The following NCBP3 variants were observed in gnomAD, a reference collection of about 807,000 sequenced individuals.
NCBP3 encodes nuclear cap binding subunit 3.
A neutral mutation model predicts 75.7 loss-of-function variants in NCBP3; 20 were observed. The observed-to-expected ratio is 0.26, with a 90% CI of 0.19 to 0.38. NCBP3 has a LOEUF of 0.38. NCBP3 is among the 10% of genes least tolerant of loss of function. The pLI, the probability that NCBP3 is intolerant of heterozygous loss-of-function variation, is 1.00. For synonymous variants in NCBP3, 293 were observed against 290.5 expected (o/e 1.01, Z -0.09); for missense variants, 678 against 796.9 (o/e 0.85, Z 1.80).
At chr17:3,820,165 G>T (rs2053635538) in intron 9 of NCBP3, among the ~76,000 whole-genome samples, 1 of 152,124 alleles carries the variant, frequency 6.6e-6, no homozygotes, top group African/African-American at 2.4e-5. Context: ...GCCCAGGCTG[G>T]TCTCAAACTC....
Position 3,833,341 on chromosome 17 carries a change from T to C in NCBP3, c.356-3973A>G, listed in dbSNP as rs377208961. 3.9e-5 allele frequency among the ~76,000 whole-genome samples: 6 copies of C among 152,342 alleles called. No individual in the cohort carries two copies. In the South Asian group the frequency reaches 6.2e-4, roughly 16 times the overall value. ...GTTGCCCAGGCTGGTCTTGAATTCCTGACCTCAAGTGATCTGTCTTGGTCT... is the reference window on the plus strand; with the variant it reads ...GTTGCCCAGGCTGGTCTTGAATTCCCGACCTCAAGTGATCTGTCTTGGTCT... On this transcript the variant is annotated intron_variant, in intron 3 of 12. Coordinates refer to ENST00000389005, the MANE Select transcript of NCBP3 (RefSeq NM_001114118.3).
At chr17:3,826,317 C>T in intron 4 of NCBP3, 102 bp from the exon 5 acceptor site, 2 of 1,117,860 alleles carry the variant, frequency 1.8e-6, no homozygotes, top group East Asian at 2.6e-5. Flanking sequence ...CATCTAGCAA[C>T]AGATTATCAT....
At position 3,811,433 on chromosome 17, in the gene NCBP3, A is replaced by C. The variant is rs2053411786; in HGVS notation, c.*1611T>G. On this transcript the variant is annotated 3_prime_UTR_variant, in exon 13 of 13. Transcript: ENST00000389005. ...ATCTCTTTCCTAGAATCCTAATAAG[A>C]AGCTGAAATATATCATGGTTATATC... is the stretch of plus-strand genomic sequence containing the variant. 6.6e-6 allele frequency: 1 copy of C among 152,208 alleles called. No homozygotes were observed. Among genetic ancestry groups the C allele is most frequent in the African/African-American group, 2.4e-5 (1 of 41,454 alleles). 9.4% of individuals were successfully genotyped at this position (152,208 alleles called of 1,614,324 possible).
chr17:3,824,415 C>CACAT (rs147371355), intron 7 of NCBP3: 11,388 of 141,174 alleles, frequency 0.081, 1,031 homozygotes, highest in African/African-American at 0.25. Context: ...TATACACATA[C>CACAT]ACATACATAC....
rs2053411529 is a variant in NCBP3 at position 3,811,425 on chromosome 17, C to A, written c.*1619G>T. On this transcript the variant is annotated 3_prime_UTR_variant, in exon 13 of 13. Transcript: ENST00000389005. Reference sequence around the variant, plus strand: ...CCAGAACCATCTCTTTCCTAGAATCCTAATAAGAAGCTGAAATATATCATG... The same window carrying A: ...CCAGAACCATCTCTTTCCTAGAATCATAATAAGAAGCTGAAATATATCATG... 1 of 152,168 alleles carries A rather than the reference C, an allele frequency of 6.6e-6. No individual in the cohort carries two copies. The highest frequency in any genetic ancestry group is 6.5e-5 in the Admixed American group (1 of 15,288). The allele number at this position is 152,168 out of a possible 1,614,324, so 9.4% of individuals were successfully genotyped here.
intron 7 of NCBP3, among the ~76,000 whole-genome samples, chr17:3,823,245 A>G (rs536077007): frequency 1.3e-5 from 2 of 151,788 alleles, no homozygotes; most frequent in South Asian, 4.2e-4. Context: ...CAGGAGGCAG[A>G]GGTTGCAGGG....
chr17:3,845,723 C>T (rs1243626600), intron 1 of NCBP3, among the ~76,000 whole-genome samples: 2 of 152,160 alleles, frequency 1.3e-5, no homozygotes, highest in Non-Finnish European at 2.9e-5. Flanking sequence ...TTTATCTCAT[C>T]CTTCCAGCCC....
intron 1 of NCBP3, among the ~76,000 whole-genome samples, chr17:3,845,583 A>T (rs905012138): frequency 6.6e-6 from 1 of 152,144 alleles, no homozygotes; most frequent in Admixed American, 6.5e-5. Context: ...TCTCAAGACA[A>T]AGAGCGAGTG....
At chr17:3,829,727 A>C (rs2053845418) in intron 3 of NCBP3, among the ~76,000 whole-genome samples, 1 of 152,228 alleles carries the variant, frequency 6.6e-6, no homozygotes, top group Admixed American at 6.5e-5. Flanking sequence ...TTTTAAATGT[A>C]TGTTAAAGAG....
At chr17:3,833,609 C>A (rs1231076941) in intron 3 of NCBP3, among the ~76,000 whole-genome samples, 1 of 151,818 alleles carries the variant, frequency 6.6e-6, no homozygotes, top group Non-Finnish European at 1.5e-5. Context: ...GAGTTTGAGA[C>A]CAGCCTGGGT....
chr17:3,803,666 T>C lies in NCBP3; in HGVS notation c.*9378A>G, dbSNP rs1387579150. ...AAGAGAAAATGTGGCAAAATGTTCTTTGTTGTACCCTTCAAACTGCTGTGA... is the reference window on the plus strand; with the variant it reads ...AAGAGAAAATGTGGCAAAATGTTCTCTGTTGTACCCTTCAAACTGCTGTGA... On this transcript the variant is annotated 3_prime_UTR_variant, in exon 13 of 13. Coordinates refer to ENST00000389005, the MANE Select transcript of NCBP3 (RefSeq NM_001114118.3). 2 of 152,212 alleles carry C rather than the reference T, an allele frequency of 1.3e-5. No homozygotes were observed. Among genetic ancestry groups the C allele is most frequent in the Non-Finnish European group, 2.9e-5 (2 of 68,020 alleles). The allele number at this position is 152,212 out of a possible 1,614,324, so 9.4% of individuals were successfully genotyped here.
At chr17:3,829,655 A>G (rs2053844535) in intron 3 of NCBP3, among the ~76,000 whole-genome samples, 1 of 152,234 alleles carries the variant, frequency 6.6e-6, no homozygotes, top group Non-Finnish European at 1.5e-5. Flanking sequence ...AATCTGTAGC[A>G]ATCAGAGCAC....
At chr17:3,824,716 TAACTTTAGCCAG>T in intron 7 of NCBP3, 1 of 283,194 alleles carries the variant, frequency 3.5e-6, no homozygotes, top group Non-Finnish European at 6.6e-6. Flanking sequence ...CAACAGAAAA[TAACTTTAGCCAG>T]AAGTCACAGA....
At chr17:3,828,430 GA>G (rs1200051029) in intron 4 of NCBP3, among the ~76,000 whole-genome samples, 4 of 152,118 alleles carry the variant, frequency 2.6e-5, no homozygotes, top group African/African-American at 9.7e-5. Context: ...TAAACAGAAA[GA>G]AAACAGGAGA....
chr17:3,830,500 A>G (rs551708207), intron 3 of NCBP3, among the ~76,000 whole-genome samples: 9 of 152,336 alleles, frequency 5.9e-5, no homozygotes, highest in African/African-American at 2.2e-4. Flanking sequence ...AAAGGCCAAT[A>G]TGAGTCACAC....
At chr17:3,845,890 C>T (rs2054155884) in intron 1 of NCBP3, 151 bp downstream of exon 1, 1 of 926,784 alleles carries the variant, frequency 1.1e-6, no homozygotes, top group Admixed American at 3.1e-5. Context: ...CTCCTCCAGC[C>T]CGGCGTTCCC....
Position 3,804,179 on chromosome 17 carries a change from T to G in NCBP3, c.*8865A>C, listed in dbSNP as rs2053312701. ...TTTGAGTCCAATCTAGACAACATAG[T>G]ATGAACCTGTCTCTTTAAAAAAAAG... On this transcript the variant is annotated 3_prime_UTR_variant, in exon 13 of 13. Transcript: ENST00000389005. 1 of 152,262 alleles carries G rather than the reference T, an allele frequency of 6.6e-6. No individual in the cohort carries two copies. The highest frequency in any genetic ancestry group is 2.4e-5 in the African/African-American group (1 of 41,556). The allele number at this position is 152,262 out of a possible 1,614,324, so 9.4% of individuals were successfully genotyped here.
In NCBP3 at chr17:3,846,230, C is replaced by T. The variant is rs2054163309; in HGVS notation, c.-7G>A. On this transcript the variant is annotated 5_prime_UTR_variant, in exon 1 of 13. Coordinates refer to ENST00000389005, the MANE Select transcript of NCBP3 (RefSeq NM_001114118.3). This position sits in a 1 kb window ranked among gnomAD's most constrained non-coding sequence, Gnocchi z 4.6. Reference sequence around the variant, plus strand: ...GGCCCCGTACGGCCGCCATCGCTGCCTGCCGGCCGCACCACTGAGAGCCCG... The same window carrying T: ...GGCCCCGTACGGCCGCCATCGCTGCTTGCCGGCCGCACCACTGAGAGCCCG... 2.8e-6 allele frequency: 4 copies of T among 1,422,002 alleles called. No individual in the cohort carries two copies. The highest frequency in any genetic ancestry group is 3.7e-6 in the Non-Finnish European group (4 of 1,095,852). The allele number at this position is 1,422,002 out of a possible 1,614,324, so 88.1% of individuals were successfully genotyped here.
chr17:3,827,553 G>A (rs1464944197), intron 4 of NCBP3, among the ~76,000 whole-genome samples: 1 of 152,218 alleles, frequency 6.6e-6, no homozygotes, highest in Non-Finnish European at 1.5e-5. Flanking sequence ...AAATCTTACG[G>A]AAAATAAACT....
Sources: allele counts gnomAD v4.1 joint callset (sites outside exome capture counted in the v4.1 genomes callset), GRCh38; gene constraint gnomAD v4.1.1; non-coding constraint Gnocchi (gnomAD v3.1); transcripts MANE v1.5; gene names NCBI Gene and HGNC (gene_info 2026-07-23, HGNC 2026-07-21).